Variants in CALHM5 observed in about 807,000 individuals in gnomAD.
The protein encoded by CALHM5 is calcium homeostasis modulator protein 5.
In CALHM5, 17 loss-of-function variants were observed where a neutral mutation model predicts 20.9. The ratio of observed to expected loss-of-function variants is 0.82; its 90% CI spans 0.56 to 1.22. The LOEUF is 1.22. Ranked by LOEUF, CALHM5 falls within the 50% of genes most tolerant of loss-of-function variation. CALHM5 has a pLI of 0.00. For synonymous variants in CALHM5, 148 were observed against 140.0 expected (o/e 1.06, Z -0.40); for missense variants, 360 against 364.6 (o/e 0.99, Z 0.10).
rs1300530267 is a variant in CALHM5, at chr6:116,521,107, C to CGT, written c.*5121_*5122dup. 3 of 149,536 alleles carry CGT rather than the reference C, an allele frequency of 2.0e-5. No homozygotes were observed. The highest frequency in any genetic ancestry group is 4.4e-5 in the Non-Finnish European group (3 of 67,552). The allele number at this position is 149,536 out of a possible 1,614,324, so 9.3% of individuals were successfully genotyped here. A position where few individuals can be genotyped will look rare whatever the true frequency, so the allele number is the denominator to read the frequency against. On this transcript the variant is annotated 3_prime_UTR_variant, in exon 2 of 2. Coordinates refer to ENST00000368599, the MANE Select transcript of CALHM5 (RefSeq NM_153711.5). ...GTGTGTGCATGTGTGTGTGTGTATG[C>CGT]GTGTATATATATATATGCTACATAT...
At position 116,512,230 on chromosome 6, in the gene CALHM5, GTCT is replaced by G; in HGVS notation, c.535_537del (p.Ser179del). On this transcript the variant is annotated inframe_deletion, in exon 1 of 2. Transcript: ENST00000368599. ...AACTGAAACTCTCCCTTCAGGCCCA[GTCT>G]CAGGTAAGAAAAGACAAACTCGCCT... 6.3e-7 allele frequency: 1 copy of G among 1,594,328 alleles called. No homozygotes were observed. Among genetic ancestry groups the G allele is most frequent in the Non-Finnish European group, 8.5e-7 (1 of 1,174,196 alleles).
rs1772263537 is a variant in CALHM5, at chr6:116,518,158, T to C, written c.*2169T>C. 1 of 152,214 alleles carries C rather than the reference T, an allele frequency of 6.6e-6. No homozygotes were observed. Among genetic ancestry groups the C allele is most frequent in the Non-Finnish European group, 1.5e-5 (1 of 68,062 alleles). The allele number at this position is 152,214 out of a possible 1,614,324, so 9.4% of individuals were successfully genotyped here. ...AAGGAAATCATGGGAACCTCTGCTT[T>C]GTAGCCACGTCAGATAGAAGATGTG... On this transcript the variant is annotated 3_prime_UTR_variant, in exon 2 of 2. Coordinates refer to ENST00000368599, the MANE Select transcript of CALHM5 (RefSeq NM_153711.5).
At chr6:116,515,222 G>A (rs554656151) in intron 1 of CALHM5, among the ~76,000 whole-genome samples, 1 of 152,212 alleles carries the variant, frequency 6.6e-6, no homozygotes, top group East Asian at 1.9e-4. Context: ...TGAAGAGCTG[G>A]TCATTTACTC....
chr6:116,514,676 G>A (rs951967213), intron 1 of CALHM5, among the ~76,000 whole-genome samples: 2 of 152,158 alleles, frequency 1.3e-5, no homozygotes, highest in East Asian at 3.9e-4. Context: ...CAGAGGTTGA[G>A]ACCCTTCACA....
At position 116,516,189 on chromosome 6, in the gene CALHM5, AG is replaced by A; in HGVS notation, c.*202del. On this transcript the variant is annotated 3_prime_UTR_variant, in exon 2 of 2. Transcript: ENST00000368599. Reference sequence around the variant, plus strand: ...TCAAATTGATGCTGAGGGGTGACAAAGGTGCTCTTGCATTGGTGGAGAGGGG... The same window carrying A: ...TCAAATTGATGCTGAGGGGTGACAAAGTGCTCTTGCATTGGTGGAGAGGGG... The A allele has an allele frequency of 1.7e-6, 1 of 598,476 alleles. No individual in the cohort carries two copies. The highest frequency in any genetic ancestry group is 3.2e-5 in the East Asian group (1 of 31,480). The allele number at this position is 598,476 out of a possible 1,614,324, so 37.1% of individuals were successfully genotyped here.
chr6:116,513,987 G>A (rs1442798734), intron 1 of CALHM5, among the ~76,000 whole-genome samples: 2 of 152,088 alleles, frequency 1.3e-5, no homozygotes, highest in Non-Finnish European at 2.9e-5. Context: ...GAGAGTTGTC[G>A]GAAGATTTAG....
chr6:116,520,519 T>C lies in CALHM5; in HGVS notation c.*4530T>C, dbSNP rs1476965862. On this transcript the variant is annotated 3_prime_UTR_variant, in exon 2 of 2. Coordinates refer to ENST00000368599, the MANE Select transcript of CALHM5 (RefSeq NM_153711.5). ...TGAGAGGTTGGATGGAAAGCATCTA[T>C]CTGTGTTTGTCAGTAGCTCTCGATG... The C allele has an allele frequency of 2.0e-5, 3 of 152,166 alleles. No homozygotes were observed. The highest frequency in any genetic ancestry group is 4.8e-5 in the African/African-American group (2 of 41,438). The allele number at this position is 152,166 out of a possible 1,614,324, so 9.4% of individuals were successfully genotyped here.
intron 1 of CALHM5, 60 bp from the exon 2 acceptor site, chr6:116,515,539 AC>A (rs1285231952): frequency 2.7e-6 from 4 of 1,507,938 alleles, no homozygotes; most frequent in African/African-American, 1.4e-5. Context: ...TCTCAATAAT[AC>A]CCCAGCTCCC....
rs1465914327 is a variant in CALHM5 at position 116,516,026 on chromosome 6, A to G, written c.*37A>G. 3.2e-6 allele frequency: 5 copies of G among 1,540,358 alleles called. No individual in the cohort carries two copies. Among genetic ancestry groups the G allele is most frequent in the Admixed American group, 2.0e-5 (1 of 51,058 alleles). On this transcript the variant is annotated 3_prime_UTR_variant, in exon 2 of 2. Transcript: ENST00000368599. ...TCAATGACTCATGGTGTTGAGTGGC[A>G]TGCTCATTCTGTGATCCTCCTAACG...
At chr6:116,513,865 G>A (rs574583877) in intron 1 of CALHM5, among the ~76,000 whole-genome samples, 13 of 152,308 alleles carry the variant, frequency 8.5e-5, no homozygotes, top group Middle Eastern at 3.4e-3. Context: ...ATTGTCTGGC[G>A]TTGGGTTTGT....
Position 116,522,054 on chromosome 6 carries a change from T to C in CALHM5, c.*6065T>C, listed in dbSNP as rs1772355427. Reference sequence around the variant, plus strand: ...AAAGAGAGAGAGAGAGAGATCCCAATGGCTCCAATTGTCTCAGATATTCTA... The same window carrying C: ...AAAGAGAGAGAGAGAGAGATCCCAACGGCTCCAATTGTCTCAGATATTCTA... On this transcript the variant is annotated 3_prime_UTR_variant, in exon 2 of 2. Transcript: ENST00000368599. 2 of 152,154 alleles carry C rather than the reference T, an allele frequency of 1.3e-5. No individual in the cohort carries two copies. The highest frequency in any genetic ancestry group is 1.3e-4 in the Admixed American group (2 of 15,276). 9.4% of individuals were successfully genotyped at this position (152,154 alleles called of 1,614,324 possible).
chr6:116,523,106 G>C lies in CALHM5; in HGVS notation c.*7117G>C, dbSNP rs1461216830. Reference sequence around the variant, plus strand: ...GCTGCTGGTCTAGGGACTACATCTTGAAAATAACTGCTCTACAGCACAGAG... The same window carrying C: ...GCTGCTGGTCTAGGGACTACATCTTCAAAATAACTGCTCTACAGCACAGAG... On this transcript the variant is annotated 3_prime_UTR_variant, in exon 2 of 2. Transcript: ENST00000368599. 1 of 151,870 alleles carries C rather than the reference G, an allele frequency of 6.6e-6. No homozygotes were observed. The highest frequency in any genetic ancestry group is 1.5e-5 in the Non-Finnish European group (1 of 68,002). 9.4% of individuals were successfully genotyped at this position (151,870 alleles called of 1,614,324 possible).
At chr6:116,515,282 A>G (rs1324058834) in intron 1 of CALHM5, among the ~76,000 whole-genome samples, 3 of 152,194 alleles carry the variant, frequency 2.0e-5, no homozygotes, top group Non-Finnish European at 4.4e-5. Flanking sequence ...CAGAGCTAAT[A>G]CTATTTGAGC....
chr6:116,511,928 A>G lies in CALHM5; in HGVS notation c.232A>G (p.Thr78Ala). The G allele has an allele frequency of 6.2e-7, 1 of 1,613,968 alleles. No homozygotes were observed. The highest frequency in any genetic ancestry group is 8.5e-7 in the Non-Finnish European group (1 of 1,179,986). ...GAACAATAGGTCGTGGAGACTCTTC[A>G]CAGGCTGCTGTGTGAATCCCAGGAA... ...FLNNRSWRLF[T>A]GCCVNPRKIF... Residue 78 changes from threonine to alanine, a missense_variant, in exon 1 of 2, where the codon ACA becomes GCA. By Grantham distance (58) the Thr-to-Ala change is moderately conservative (BLOSUM62 0). Coordinates refer to ENST00000368599, the MANE Select transcript of CALHM5 (RefSeq NM_153711.5).
In CALHM5 at chr6:116,516,877, C is replaced by G. The variant is rs897389278; in HGVS notation, c.*888C>G. 4 of 151,842 alleles carry G rather than the reference C, an allele frequency of 2.6e-5. No individual in the cohort carries two copies. The highest frequency in any genetic ancestry group is 2.0e-4 in the Admixed American group (3 of 15,232). 9.4% of individuals were successfully genotyped at this position (151,842 alleles called of 1,614,324 possible). The stretch of plus-strand genomic sequence containing the variant: ...GTCCTTAGGCACAGTGCTTACTAGG[C>G]CGTGGGTATGTCTTAGTGCGTTTGG... On this transcript the variant is annotated 3_prime_UTR_variant, in exon 2 of 2. Coordinates refer to ENST00000368599, the MANE Select transcript of CALHM5 (RefSeq NM_153711.5).
intron 1 of CALHM5, 121 bp downstream of exon 1, chr6:116,512,357 AAC>A (rs1238456937): frequency 8.0e-6 from 9 of 1,125,372 alleles, no homozygotes; most frequent in Admixed American, 5.1e-5. Flanking sequence ...TGGAAACTGA[AAC>A]ATGATGCAGC....
rs1208559111 is a variant in CALHM5, at chr6:116,522,231, A to G, written c.*6242A>G. On this transcript the variant is annotated 3_prime_UTR_variant, in exon 2 of 2. Transcript: ENST00000368599. ...AATCAAATCATTGCAGCCATCTCCA[A>G]ACATTTGACCCACTCCAGTGGAGGC... is the stretch of plus-strand genomic sequence containing the variant. 6.6e-6 allele frequency: 1 copy of G among 152,236 alleles called. No individual in the cohort carries two copies. Among genetic ancestry groups the G allele is most frequent in the Non-Finnish European group, 1.5e-5 (1 of 68,056 alleles). 9.4% of individuals were successfully genotyped at this position (152,236 alleles called of 1,614,324 possible).
Position 116,515,768 on chromosome 6 carries a change from C to T in CALHM5, c.709C>T (p.Leu237=). Residue 237 remains leucine, a synonymous_variant, in exon 2 of 2, where the codon CTG becomes TTG. Coordinates refer to ENST00000368599, the MANE Select transcript of CALHM5 (RefSeq NM_153711.5). ...TACATTTCTGGACTATGCCAACAAG[C>T]TGAGCGAGAGGAACCTGAAATGTTT... The part of the protein sequence containing the change: ...ENTFLDYANK[L]SERNLKCFFE... The T allele has an allele frequency of 6.2e-7, 1 of 1,614,012 alleles. No homozygotes were observed. The highest frequency in any genetic ancestry group is 1.1e-5 in the South Asian group (1 of 91,086).
chr6:116,515,348 C>A (rs960614881), intron 1 of CALHM5, among the ~76,000 whole-genome samples: 4 of 152,100 alleles, frequency 2.6e-5, no homozygotes, highest in African/African-American at 7.2e-5. Flanking sequence ...TATCTGCCTG[C>A]CTTCTGGTTA....
Sources: allele counts gnomAD v4.1 joint callset (sites outside exome capture counted in the v4.1 genomes callset), GRCh38; gene constraint gnomAD v4.1.1; transcripts MANE v1.5; gene names NCBI Gene and HGNC (gene_info 2026-07-23, HGNC 2026-07-21).